Variants in MSRA observed in about 807,000 individuals in gnomAD.
MSRA encodes mitochondrial peptide methionine sulfoxide reductase.
A neutral mutation model predicts 31.3 loss-of-function variants in MSRA; 54 were observed. The ratio of observed to expected loss-of-function variants is 1.73; its 90% confidence interval spans 1.39 to 2.17. MSRA has a LOEUF of 2.17. MSRA is among the 30% of genes most tolerant of loss of function. The probability of loss-of-function intolerance (pLI) is 0.00; values close to 1 mark genes in which losing one functional copy is unlikely to be tolerated. For synonymous variants in MSRA, 169 were observed against 116.5 expected (o/e 1.45, Z -2.90); for missense variants, 507 against 300.9 (o/e 1.69, Z -5.07).
At chr8:10,391,938 G>C (rs1252598779) in intron 5 of MSRA, among the ~76,000 whole-genome samples, 1 of 152,196 alleles carries the variant, frequency 6.6e-6, no homozygotes, top group African/African-American at 2.4e-5. Context: ...AAACATTTCT[G>C]GATGGAACAT....
intron 5 of MSRA, among the ~76,000 whole-genome samples, chr8:10,396,842 A>T (rs1585677664): frequency 6.6e-6 from 1 of 152,178 alleles, no homozygotes; most frequent in Non-Finnish European, 1.5e-5. Flanking sequence ...CTTACGCGAG[A>T]TCTGTTGAGT....
chr8:10,271,132 CAGTA>C (rs1243762902), intron 3 of MSRA, among the ~76,000 whole-genome samples: 4 of 150,912 alleles, frequency 2.7e-5, no homozygotes, highest in African/African-American at 7.3e-5. Flanking sequence ...TTTTAAGACT[CAGTA>C]AGAAGTAAAC....
intron 2 of MSRA, among the ~76,000 whole-genome samples, chr8:10,236,971 A>T (rs1563253253): frequency 6.6e-6 from 1 of 152,372 alleles, no homozygotes; most frequent in East Asian, 1.9e-4. Flanking sequence ...ACCTTGCGTA[A>T]GTCCTCATTC....
chr8:10,118,314 C>A (rs982048709), intron 1 of MSRA, among the ~76,000 whole-genome samples: 4 of 152,084 alleles, frequency 2.6e-5, no homozygotes, highest in Non-Finnish European at 5.9e-5. Context: ...GTGTTAGCTG[C>A]GTGCAGTGAA....
Position 10,206,438 on chromosome 8 carries a change from T to C in MSRA, c.143-1395T>C, listed in dbSNP as rs563237215. On this transcript the variant is annotated intron_variant, in intron 1 of 5. Transcript: ENST00000317173. ...GCTTGTAGGAATGCCACAATGACTT[T>C]ACAACCAGTGGAAGCCCCAGAAGGG... 3.3e-4 allele frequency among the ~76,000 whole-genome samples: 51 copies of C among 152,314 alleles called. 1 individual carries two copies. The South Asian group carries it at 9.8e-3, about 29-fold the overall frequency.
intron 5 of MSRA, among the ~76,000 whole-genome samples, chr8:10,346,329 C>T (rs1272851356): frequency 6.6e-6 from 1 of 152,170 alleles, no homozygotes; most frequent in Non-Finnish European, 1.5e-5. Flanking sequence ...CATTTCATAG[C>T]CCTGCTCATG....
chr8:10,353,120 A>C (rs1280671935), intron 5 of MSRA, among the ~76,000 whole-genome samples: 1 of 152,184 alleles, frequency 6.6e-6, no homozygotes, highest in African/African-American at 2.4e-5. Flanking sequence ...TGAGCCACAG[A>C]CAGGCGTGTG....
At chr8:10,382,016 T>C (rs369507135) in intron 5 of MSRA, among the ~76,000 whole-genome samples, 35 of 152,312 alleles carry the variant, frequency 2.3e-4, no homozygotes, top group African/African-American at 5.1e-4. Context: ...TGCTAAGCCA[T>C]TTCTTTCTGC....
In MSRA at chr8:10,428,345, A is replaced by G; in HGVS notation, c.*33A>G. On this transcript the variant is annotated 3_prime_UTR_variant, in exon 6 of 6. Coordinates refer to ENST00000317173, the MANE Select transcript of MSRA (RefSeq NM_012331.5). ...CCACATGGTGGGCCTTTGAGGTTCC[A>G]GTAAAAATGCTTTCAACAAATTGGG... 6.2e-7 allele frequency: 1 copy of G among 1,605,864 alleles called. No individual in the cohort carries two copies.
chr8:10,379,950 T>C (rs1805968654), intron 5 of MSRA, among the ~76,000 whole-genome samples: 1 of 152,206 alleles, frequency 6.6e-6, no homozygotes, highest in Admixed American at 6.5e-5. Flanking sequence ...ACATAAGTAC[T>C]GATTGGGCCA....
intron 1 of MSRA, 90 bp from the exon 2 acceptor site, chr8:10,207,743 G>A: frequency 2.5e-6 from 3 of 1,220,656 alleles, no homozygotes; most frequent in Non-Finnish European, 3.4e-6. Flanking sequence ...ACTCAAAGGA[G>A]AAATAGGCTC....
intron 3 of MSRA, among the ~76,000 whole-genome samples, chr8:10,292,334 C>T (rs1036907450): frequency 5.3e-5 from 8 of 152,216 alleles, no homozygotes; most frequent in African/African-American, 1.9e-4. Context: ...AACATCACAT[C>T]ACATGCCCAG....
At chr8:10,223,958 C>T (rs1366221562) in intron 2 of MSRA, among the ~76,000 whole-genome samples, 1 of 152,142 alleles carries the variant, frequency 6.6e-6, no homozygotes, top group Non-Finnish European at 1.5e-5. Flanking sequence ...TGGACTCACA[C>T]CTGGGTTCAA....
At chr8:10,127,737 G>A (rs933300497) in intron 1 of MSRA, among the ~76,000 whole-genome samples, 8 of 152,240 alleles carry the variant, frequency 5.3e-5, no homozygotes, top group African/African-American at 1.4e-4. Context: ...TCAAATGGTT[G>A]TGGTTAAGTA....
At chr8:10,212,867 C>T (rs1310091519) in intron 2 of MSRA, among the ~76,000 whole-genome samples, 1 of 152,046 alleles carries the variant, frequency 6.6e-6, no homozygotes, top group Non-Finnish European at 1.5e-5. Flanking sequence ...AGTCAAAATT[C>T]TTTGAACCCA....
intron 5 of MSRA, among the ~76,000 whole-genome samples, chr8:10,347,781 TC>T (rs1418336435): frequency 5.3e-5 from 8 of 152,222 alleles, no homozygotes; most frequent in Non-Finnish European, 1.2e-4. Flanking sequence ...ACTTGACTTT[TC>T]AATCCCGTTA....
In MSRA at chr8:10,371,884, G is replaced by C. The variant is rs183958387; in HGVS notation, c.543+51895G>C. Among the ~76,000 whole-genome samples the C allele has an allele frequency of 1.5e-4, 23 of 152,312 alleles. No homozygotes were observed. The East Asian group carries it at 4.2e-3, about 28-fold the overall frequency. On this transcript the variant is annotated intron_variant, in intron 5 of 5. Transcript: ENST00000317173. ...CAACACTTGCTGAAGGTTTGCCCAA[G>C]TTTGGTTCTCTGACTCTCTGATTTT...
chr8:10,147,609 G>C (rs1290918080), intron 1 of MSRA, among the ~76,000 whole-genome samples: 1 of 152,198 alleles, frequency 6.6e-6, no homozygotes, highest in African/African-American at 2.4e-5. Flanking sequence ...CAGGAGGCAG[G>C]GGCCATGGGG....
At chr8:10,089,589 G>T (rs1798758095) in intron 1 of MSRA, among the ~76,000 whole-genome samples, 1 of 152,212 alleles carries the variant, frequency 6.6e-6, no homozygotes, top group African/African-American at 2.4e-5. Context: ...AGGTCATTTT[G>T]TGTTGCTATA....
Sources: gnomAD v4.1 joint callset for allele counts (sites outside exome capture counted in the v4.1 genomes callset) on GRCh38, gnomAD v4.1.1 for gene constraint, MANE v1.5 for transcripts, NCBI Gene and HGNC (gene_info 2026-07-23, HGNC 2026-07-21) for gene names.